Variants in KLF1 observed in about 807,000 individuals in gnomAD.
KLF1 encodes Krueppel-like factor 1.
Under a neutral mutation model 28.0 loss-of-function variants are expected in KLF1, and 29 were observed. The ratio of observed to expected loss-of-function variants is 1.04; its 90% CI spans 0.77 to 1.41. KLF1 has a LOEUF of 1.41. Ranked by LOEUF, KLF1 falls within the 40% of genes most tolerant of loss-of-function variation. KLF1 has a pLI of 0.00. For synonymous variants in KLF1, 262 were observed against 242.6 expected, an observed-to-expected ratio of 1.08 and a Z score of -0.74; for missense variants, 508 against 515.1, an observed-to-expected ratio of 0.99 and a Z score of 0.13.
chr19:12,885,273 C>T lies in KLF1; in HGVS notation c.913+44G>A. ...AACCCTTCTTCCCCTGTAACTACAG[C>T]GGGCGCCGCGCCCTTTCTCATGTCC... On this transcript the variant is annotated intron_variant, in intron 2 of 2. Coordinates refer to ENST00000264834, the MANE Select transcript of KLF1 (RefSeq NM_006563.5). This position sits in a 1 kb window ranked among gnomAD's most constrained non-coding sequence, Gnocchi z 5.6. 1.3e-6 allele frequency: 2 copies of T among 1,502,740 alleles called. No homozygotes were observed. Among genetic ancestry groups the T allele is most frequent in the South Asian group, 1.2e-5 (1 of 83,254 alleles). The allele number at this position is 1,502,740 out of a possible 1,614,324, so 93.1% of individuals were successfully genotyped here.
chr19:12,885,301 G>A lies in KLF1; in HGVS notation c.913+16C>T. The A allele has an allele frequency of 2.6e-6, 4 of 1,561,670 alleles. No homozygotes were observed. The highest frequency in any genetic ancestry group is 1.9e-5 in the Admixed American group (1 of 52,820). ...GCGCCGCGCCCTTTCTCATGTCCGG[G>A]GCCCCGCCCCCTCACCTGTGTGCGT... On this transcript the variant is annotated intron_variant, in intron 2 of 2. Transcript: ENST00000264834. The surrounding 1 kb of genome is among the most constrained non-coding windows in gnomAD (Gnocchi z 5.6).
chr19:12,885,982 G>T lies in KLF1; in HGVS notation c.248C>A (p.Ser83Ter). Residue 83 changes from serine to a stop codon, truncating the protein, a stop_gained, in exon 2 of 3, where the codon TCG becomes TAG. Coordinates refer to ENST00000264834, the MANE Select transcript of KLF1 (RefSeq NM_006563.5). LOFTEE classifies it high-confidence loss of function. The surrounding 1 kb of genome is among the most constrained non-coding windows in gnomAD (Gnocchi z 5.6). ...WDLDLLLTNF[S>*]GPEPGGAPQT... Reference sequence around the variant, plus strand: ...GGGCGCGCCACCGGGCTCCGGGCCCGAGAAGTTGGTGAGGAGGAGATCCAG... The same window carrying T: ...GGGCGCGCCACCGGGCTCCGGGCCCTAGAAGTTGGTGAGGAGGAGATCCAG... The T allele has an allele frequency of 6.3e-7, 1 of 1,588,876 alleles. No individual in the cohort carries two copies. Among genetic ancestry groups the T allele is most frequent in the Non-Finnish European group, 8.6e-7 (1 of 1,168,356 alleles).
Position 12,885,351 on chromosome 19 carries a change from G to A in KLF1, c.879C>T (p.Ser293=). ...TGCGCAGATGCGCCTTCAGGTGGGA[G>A]CTCTTGGTGTAGCTCTTGCCGCAAC... ...HPGCGKSYTK[S]SHLKAHLRTH... Residue 293 remains serine (S), a synonymous_variant, in exon 2 of 3, where the codon AGC becomes AGT. Coordinates refer to ENST00000264834, the MANE Select transcript of KLF1 (RefSeq NM_006563.5). This position sits in a 1 kb window ranked among gnomAD's most constrained non-coding sequence, Gnocchi z 5.6. 7 of 1,601,394 alleles carry A rather than the reference G, an allele frequency of 4.4e-6. No homozygotes were observed. The highest frequency in any genetic ancestry group is 5.1e-6 in the Non-Finnish European group (6 of 1,174,374).
chr19:12,885,506 C>G lies in KLF1; in HGVS notation c.724G>C (p.Gly242Arg). ...CCCCCGAGTCCAGTGCCCACCGTCCCGGGTCCCAAACAACTCAGGAAGGAG... is the reference window on the plus strand; with the variant it reads ...CCCCCGAGTCCAGTGCCCACCGTCCGGGGTCCCAAACAACTCAGGAAGGAG... ...SPSFLSCLGP[G>R]TVGTGLGGTA... The change falls in exon 2 of 3, where the codon GGG (glycine) becomes CGG (arginine). Residue 242 changes from glycine to arginine, a missense_variant. By Grantham distance (125) the Gly-to-Arg change is moderately radical. Coordinates refer to ENST00000264834, the MANE Select transcript of KLF1 (RefSeq NM_006563.5). This position sits in a 1 kb window ranked among gnomAD's most constrained non-coding sequence, Gnocchi z 5.6. 1.9e-6 allele frequency: 3 copies of G among 1,596,330 alleles called. No homozygotes were observed. The highest frequency in any genetic ancestry group is 1.7e-6 in the Non-Finnish European group (2 of 1,172,236).
In KLF1 at chr19:12,885,502, G is replaced by A. The variant is rs771247632; in HGVS notation, c.728C>T (p.Thr243Met). Residue 243 changes from threonine to methionine, a missense_variant, in exon 2 of 3, where the codon ACG (threonine) becomes ATG (methionine). By Grantham distance (81) the Thr-to-Met change is moderately conservative. Coordinates refer to ENST00000264834, the MANE Select transcript of KLF1 (RefSeq NM_006563.5). This position sits in a 1 kb window ranked among gnomAD's most constrained non-coding sequence, Gnocchi z 5.6. ...AGTCCCCCCGAGTCCAGTGCCCACCGTCCCGGGTCCCAAACAACTCAGGAA... is the reference window on the plus strand; with the variant it reads ...AGTCCCCCCGAGTCCAGTGCCCACCATCCCGGGTCCCAAACAACTCAGGAA... ...PSFLSCLGPG[T>M]VGTGLGGTAE... The A allele has an allele frequency of 1.9e-6, 3 of 1,596,676 alleles. No individual in the cohort carries two copies. In the South Asian group the frequency reaches 3.4e-5, roughly 18 times the overall value.
chr19:12,886,299 C>T (rs1227497406), intron 1 of KLF1, among the ~76,000 whole-genome samples, 157 bp from the exon 2 acceptor site: 2 of 151,868 alleles, frequency 1.3e-5, no homozygotes, highest in Admixed American at 6.6e-5. Context: ...TCTAACCGCC[C>T]CTCTCCCCGC....
chr19:12,885,111 G>A lies in KLF1; in HGVS notation c.914-51C>T, dbSNP rs769606751. 1 of 1,587,058 alleles carries A rather than the reference G, an allele frequency of 6.3e-7. No homozygotes were observed. Among genetic ancestry groups the A allele is most frequent in the Non-Finnish European group, 8.5e-7 (1 of 1,169,594 alleles). On this transcript the variant is annotated intron_variant, in intron 2 of 2. Transcript: ENST00000264834. The surrounding 1 kb of genome is among the most constrained non-coding windows in gnomAD (Gnocchi z 5.6). ...CCACTGTCTGCCCAGTCATGTCCCC[G>A]GGTCCCCTGCATCTGGCCACACCCC...
chr19:12,885,972 C>T lies in KLF1; in HGVS notation c.258G>A (p.Glu86=). 1 of 1,582,518 alleles carries T rather than the reference C, an allele frequency of 6.3e-7. No homozygotes were observed. Among genetic ancestry groups the T allele is most frequent in the Non-Finnish European group, 8.6e-7 (1 of 1,164,974 alleles). ...DLLLTNFSGP[E]PGGAPQTCAL... is the part of the protein sequence containing the mutation. ...CGCAGGTCTGGGGCGCGCCACCGGGCTCCGGGCCCGAGAAGTTGGTGAGGA... is the reference window on the plus strand; with the variant it reads ...CGCAGGTCTGGGGCGCGCCACCGGGTTCCGGGCCCGAGAAGTTGGTGAGGA... Residue 86 remains glutamate, a synonymous_variant, in exon 2 of 3, where the codon GAG becomes GAA. Coordinates refer to ENST00000264834, the MANE Select transcript of KLF1 (RefSeq NM_006563.5). This position sits in a 1 kb window ranked among gnomAD's most constrained non-coding sequence, Gnocchi z 5.6.
chr19:12,885,226 A>G lies in KLF1; in HGVS notation c.913+91T>C, dbSNP rs1239932421. The G allele has an allele frequency of 7.3e-7, 1 of 1,370,076 alleles. No homozygotes were observed. Among genetic ancestry groups the G allele is most frequent in the Non-Finnish European group, 1.0e-6 (1 of 998,940 alleles). 84.9% of individuals were successfully genotyped at this position (1,370,076 alleles called of 1,614,324 possible). On this transcript the variant is annotated intron_variant, in intron 2 of 2. Coordinates refer to ENST00000264834, the MANE Select transcript of KLF1 (RefSeq NM_006563.5). This position sits in a 1 kb window ranked among gnomAD's most constrained non-coding sequence, Gnocchi z 5.6. ...AGGCACTCACTCTCAGAGGCCAGCC[A>G]AGTCCAAGTCCCGCCCTCTGCAACC...
chr19:12,885,047 G>A lies in KLF1; in HGVS notation c.927C>T (p.Tyr309=), dbSNP rs754111301. The change falls in exon 3 of 3, where the codon TAC becomes TAT. Residue 309 remains tyrosine, a synonymous_variant. Transcript: ENST00000264834. This position sits in a 1 kb window ranked among gnomAD's most constrained non-coding sequence, Gnocchi z 5.6. ...AGCCGCAGCCTTCCCACGTGCAGGC[G>A]TATGGCTTCTCCCCTAGGGGACAAG... ...HLRTHTGEKP[Y]ACTWEGCGWR... 8 of 1,606,228 alleles carry A rather than the reference G, an allele frequency of 5.0e-6. No homozygotes were observed. Among genetic ancestry groups the A allele is most frequent in the Non-Finnish European group, 5.9e-6 (7 of 1,179,970 alleles).
chr19:12,884,538 C>T lies in KLF1; in HGVS notation c.*347G>A, dbSNP rs146599887. On this transcript the variant is annotated 3_prime_UTR_variant, in exon 3 of 3. Coordinates refer to ENST00000264834, the MANE Select transcript of KLF1 (RefSeq NM_006563.5). Reference sequence around the variant, plus strand: ...CCAGGGTCTCTGGGAAGCCTCATCCCACACCCTCTCCTGCTGTCCAGGGCC... The same window carrying T: ...CCAGGGTCTCTGGGAAGCCTCATCCTACACCCTCTCCTGCTGTCCAGGGCC... 63 of 345,472 alleles carry T rather than the reference C, an allele frequency of 1.8e-4. No individual in the cohort carries two copies. The highest frequency in any genetic ancestry group is 1.2e-3 in the African/African-American group (58 of 47,430). 21.4% of individuals were successfully genotyped at this position (345,472 alleles called of 1,614,324 possible).
rs182276666 is a variant in KLF1, at chr19:12,885,919, G to C, written c.311C>G (p.Ala104Gly). Residue 104 changes from alanine (A) to glycine (G), a missense_variant, in exon 2 of 3, where the codon GCG becomes GGG. Transcript: ENST00000264834. The surrounding 1 kb of genome is among the most constrained non-coding windows in gnomAD (Gnocchi z 5.6). Reference protein sequence around the residue: ...CALAPSEASGAQYPPPPETLG... With the variant: ...CALAPSEASGGQYPPPPETLG... ...AGTCTCGGGCGGCGGCGGATATTGCGCCCCGGAGGCCTCGCTGGGCGCCAG... is the reference window on the plus strand; with the variant it reads ...AGTCTCGGGCGGCGGCGGATATTGCCCCCCGGAGGCCTCGCTGGGCGCCAG... The C allele has an allele frequency of 1.3e-6, 2 of 1,551,750 alleles. No individual in the cohort carries two copies. The highest frequency in any genetic ancestry group is 3.9e-5 in the Admixed American group (2 of 51,272).
rs1472175668 is a variant in KLF1, at chr19:12,885,297, C to T, written c.913+20G>A. On this transcript the variant is annotated intron_variant, in intron 2 of 2. Coordinates refer to ENST00000264834, the MANE Select transcript of KLF1 (RefSeq NM_006563.5). The surrounding 1 kb of genome is among the most constrained non-coding windows in gnomAD (Gnocchi z 5.6). ...GCGGGCGCCGCGCCCTTTCTCATGTCCGGGGCCCCGCCCCCTCACCTGTGT... is the reference window on the plus strand; with the variant it reads ...GCGGGCGCCGCGCCCTTTCTCATGTTCGGGGCCCCGCCCCCTCACCTGTGT... 3 of 1,556,866 alleles carry T rather than the reference C, an allele frequency of 1.9e-6. No individual in the cohort carries two copies. The highest frequency in any genetic ancestry group is 1.2e-5 in the South Asian group (1 of 85,682).
chr19:12,885,306 C>T lies in KLF1; in HGVS notation c.913+11G>A, dbSNP rs373139096. 5 of 1,566,600 alleles carry T rather than the reference C, an allele frequency of 3.2e-6. No individual in the cohort carries two copies. Among genetic ancestry groups the T allele is most frequent in the Non-Finnish European group, 4.3e-6 (5 of 1,155,056 alleles). ...GCGCCCTTTCTCATGTCCGGGGCCC[C>T]GCCCCCTCACCTGTGTGCGTGCGCA... On this transcript the variant is annotated intron_variant, in intron 2 of 2. Coordinates refer to ENST00000264834, the MANE Select transcript of KLF1 (RefSeq NM_006563.5). The surrounding 1 kb of genome is among the most constrained non-coding windows in gnomAD (Gnocchi z 5.6).
At position 12,884,630 on chromosome 19, in the gene KLF1, C is replaced by T. The variant is rs1333103932; in HGVS notation, c.*255G>A. ...GGCGGTCTGTCTCACTGGGTTTGCA[C>T]GACAGTTTGGACATCTCTGTGTGGC... On this transcript the variant is annotated 3_prime_UTR_variant, in exon 3 of 3. Transcript: ENST00000264834. 9.1e-6 allele frequency: 5 copies of T among 550,118 alleles called. No individual in the cohort carries two copies. The highest frequency in any genetic ancestry group is 3.1e-5 in the Admixed American group (1 of 32,346). The allele number at this position is 550,118 out of a possible 1,614,324, so 34.1% of individuals were successfully genotyped here.
rs1970423056 is a variant in KLF1 at position 12,885,236 on chromosome 19, C to T, written c.913+81G>A. 7.1e-7 allele frequency: 1 copy of T among 1,408,024 alleles called. No homozygotes were observed. The highest frequency in any genetic ancestry group is 9.7e-7 in the Non-Finnish European group (1 of 1,030,908). 87.2% of individuals were successfully genotyped at this position (1,408,024 alleles called of 1,614,324 possible). A position where few individuals can be genotyped will look rare whatever the true frequency, so the allele number is the denominator to read the frequency against. ...TCTCAGAGGCCAGCCAAGTCCAAGT[C>T]CCGCCCTCTGCAACCCTTCTTCCCC... is the stretch of plus-strand genomic sequence containing the variant. On this transcript the variant is annotated intron_variant, in intron 2 of 2. Transcript: ENST00000264834. The surrounding 1 kb of genome is among the most constrained non-coding windows in gnomAD (Gnocchi z 5.6).
Position 12,884,574 on chromosome 19 carries a change from T to G in KLF1, c.*311A>C, listed in dbSNP as rs767532783. 9 of 435,512 alleles carry G rather than the reference T, an allele frequency of 2.1e-5. No homozygotes were observed. Among genetic ancestry groups the G allele is most frequent in the South Asian group, 1.8e-4 (8 of 45,420 alleles). 27.0% of individuals were successfully genotyped at this position (435,512 alleles called of 1,614,324 possible). ...CTGCTGTCCAGGGCCATCTGGGAGC[T>G]GGTCTGAGTGTCCACTGAGTCCGTT... On this transcript the variant is annotated 3_prime_UTR_variant, in exon 3 of 3. Coordinates refer to ENST00000264834, the MANE Select transcript of KLF1 (RefSeq NM_006563.5).
chr19:12,885,277 C>A lies in KLF1; in HGVS notation c.913+40G>T. 4 of 1,517,898 alleles carry A rather than the reference C, an allele frequency of 2.6e-6. No individual in the cohort carries two copies. The highest frequency in any genetic ancestry group is 1.2e-5 in the South Asian group (1 of 83,842). The allele number at this position is 1,517,898 out of a possible 1,614,324, so 94.0% of individuals were successfully genotyped here. A position where few individuals can be genotyped will look rare whatever the true frequency, so the allele number is the denominator to read the frequency against. The stretch of plus-strand genomic sequence containing the variant: ...CTTCTTCCCCTGTAACTACAGCGGG[C>A]GCCGCGCCCTTTCTCATGTCCGGGG... On this transcript the variant is annotated intron_variant, in intron 2 of 2. Coordinates refer to ENST00000264834, the MANE Select transcript of KLF1 (RefSeq NM_006563.5). This position sits in a 1 kb window ranked among gnomAD's most constrained non-coding sequence, Gnocchi z 5.6.
chr19:12,885,085 G>A lies in KLF1; in HGVS notation c.914-25C>T, dbSNP rs751521340. On this transcript the variant is annotated intron_variant, in intron 2 of 2. Transcript: ENST00000264834. This position sits in a 1 kb window ranked among gnomAD's most constrained non-coding sequence, Gnocchi z 5.6. ...CCTAGGGGACAAGGAAGCCATAAGC[G>A]CCACTGTCTGCCCAGTCATGTCCCC... 1.9e-6 allele frequency: 3 copies of A among 1,599,782 alleles called. No individual in the cohort carries two copies. The South Asian group carries it at 3.3e-5, about 18-fold the overall frequency.
Sources: gnomAD v4.1 joint callset for allele counts (sites outside exome capture counted in the v4.1 genomes callset) on GRCh38, gnomAD v4.1.1 for gene constraint, Gnocchi (gnomAD v3.1) non-coding constraint, MANE v1.5 for transcripts, NCBI Gene and HGNC (gene_info 2026-07-23, HGNC 2026-07-21) for gene names.